HEATR5B: variants seen among roughly 807,000 people sequenced by gnomAD.
HEATR5B encodes HEAT repeat containing 5B.
A neutral mutation model predicts 224.1 loss-of-function variants in HEATR5B; 156 were observed. The observed-to-expected ratio is 0.70, with a 90% CI of 0.61 to 0.80. The LOEUF is 0.80. Among genes scored for constraint, HEATR5B ranks in the 30% least tolerant of loss-of-function variants. The pLI is 0.00. For synonymous variants in HEATR5B, 1,027 were observed against 893.0 expected (o/e 1.15, Z -2.68); for missense variants, 2,323 against 2,535.5 (o/e 0.92, Z 1.80).
Position 37,064,135 on chromosome 2 carries a change from A to T in HEATR5B, c.1584+605T>A, listed in dbSNP as rs546815148. Reference sequence around the variant, plus strand: ...GGCCATGATTTATTAAAACCACTCAATTTTTACTAAACATTATCAAAATGC... The same window carrying T: ...GGCCATGATTTATTAAAACCACTCATTTTTTACTAAACATTATCAAAATGC... On this transcript the variant is annotated intron_variant, in intron 10 of 35. Coordinates refer to ENST00000233099, the MANE Select transcript of HEATR5B (RefSeq NM_019024.3). 5.9e-5 allele frequency among the ~76,000 whole-genome samples: 9 copies of T among 152,198 alleles called. No homozygotes were observed. The East Asian group carries it at 1.3e-3, about 23-fold the overall frequency.
intron 24 of HEATR5B, among the ~76,000 whole-genome samples, chr2:37,025,592 T>G (rs1032418378): frequency 8.0e-5 from 12 of 150,442 alleles, no homozygotes; most frequent in Non-Finnish European, 1.5e-4. Flanking sequence ...GTAGACAAAT[T>G]ACAGGAAAAT....
chr2:37,067,884 C>T (rs540102398), intron 8 of HEATR5B, among the ~76,000 whole-genome samples: 6 of 152,220 alleles, frequency 3.9e-5, no homozygotes, highest in African/African-American at 1.4e-4. Context: ...ACATTTCATA[C>T]ATATATCTCT....
At position 37,016,113 on chromosome 2, in the gene HEATR5B, C is replaced by CTT. The variant is rs370375953; in HGVS notation, c.4105-2095_4105-2094dup. ...AACAATAATTACATGTCCTTACTTT[C>CTT]TTTTTTTTTTTTTTTTTGAGACAGA... On this transcript the variant is annotated intron_variant, in intron 26 of 35. Transcript: ENST00000233099. 2.6e-3 allele frequency among the ~76,000 whole-genome samples: 348 copies of CTT among 132,022 alleles called. 2 individuals carry two copies. The highest frequency in any genetic ancestry group is 6.4e-3 in the African/African-American group (224 of 35,062). 86.6% of individuals were successfully genotyped at this position (132,022 alleles called of 152,430 possible).
intron 31 of HEATR5B, among the ~76,000 whole-genome samples, 182 bp from the exon 32 acceptor site, chr2:37,002,754 AACAG>A (rs562384635): frequency 1.1e-4 from 16 of 152,332 alleles, no homozygotes; most frequent in African/African-American, 2.9e-4. Context: ...CCTTAAAGGT[AACAG>A]ACAGTTCATT....
Position 36,988,792 on chromosome 2 carries a change from G to A in HEATR5B, c.5765C>T (p.Pro1922Leu), listed in dbSNP as rs751126880. Residue 1922 changes from proline to leucine, a missense_variant, in exon 35 of 36, where the codon CCT (proline) becomes CTT (leucine). By Grantham distance (98) the Pro-to-Leu change is moderately conservative. Around this residue, in one of 12 missense-constraint regions of HEATR5B, gnomAD observed 844 missense variants for 812.9 expected, o/e 1.04. Coordinates refer to ENST00000233099, the MANE Select transcript of HEATR5B (RefSeq NM_019024.3). The stretch of plus-strand genomic sequence containing the variant: ...TATTGGAGCTAATGAATGAATATAA[G>A]GAGTTGAAAGGGCACGATTGGAATG... ...FQHSNRALSTPYIHSLAPIVV... is the reference protein window; with the variant it reads ...FQHSNRALSTLYIHSLAPIVV... The A allele has an allele frequency of 5.6e-6, 9 of 1,613,954 alleles. 1 individual carries two copies.
Position 36,988,808 on chromosome 2 carries a change from G to A in HEATR5B, c.5749C>T (p.Arg1917Cys), listed in dbSNP as rs752271740. ...LLLSVFQHSN[R>C]ALSTPYIHSL... ...TGAATATAAGGAGTTGAAAGGGCAC[G>A]ATTGGAATGCTGGAAGACTGAGAGG... Residue 1917 changes from arginine to cysteine, a missense_variant, in exon 35 of 36, where the codon CGT becomes TGT. Arg to Cys is a radical substitution (Grantham distance 180). This residue lies in a region of HEATR5B where 844 missense variants were observed against 812.9 expected (regional missense o/e 1.04). Coordinates refer to ENST00000233099, the MANE Select transcript of HEATR5B (RefSeq NM_019024.3). The A allele has an allele frequency of 3.7e-6, 6 of 1,614,072 alleles. No individual in the cohort carries two copies. The highest frequency in any genetic ancestry group is 3.3e-5 in the Admixed American group (2 of 60,022).
At chr2:37,050,534 T>C (rs941138612) in intron 17 of HEATR5B, among the ~76,000 whole-genome samples, 2 of 152,244 alleles carry the variant, frequency 1.3e-5, no homozygotes, top group Non-Finnish European at 2.9e-5. Flanking sequence ...TTTCACCTGT[T>C]ATGAAACAGA....
Position 37,049,730 on chromosome 2 carries a change from C to A in HEATR5B, c.2619G>T (p.Gly873=), listed in dbSNP as rs768671582. The change falls in exon 18 of 36, where the codon GGG becomes GGT. Residue 873 remains glycine (G), a synonymous_variant. Coordinates refer to ENST00000233099, the MANE Select transcript of HEATR5B (RefSeq NM_019024.3). ...NPNPILRCAA[G]EALGRMAQVV... The stretch of plus-strand genomic sequence containing the variant: ...CCTGAGCCATTCTTCCAAGAGCTTC[C>A]CCCGCTGCACAACGTAAGATGGGGT... 3.8e-5 allele frequency: 61 copies of A among 1,613,816 alleles called. No homozygotes were observed. The highest frequency in any genetic ancestry group is 4.7e-5 in the Non-Finnish European group (56 of 1,180,008).
intron 35 of HEATR5B, among the ~76,000 whole-genome samples, chr2:36,985,013 C>T (rs759363284): frequency 5.9e-5 from 9 of 152,186 alleles, no homozygotes; most frequent in Non-Finnish European, 1.0e-4. Context: ...TAGCTTATAA[C>T]CTTGGTCATG....
At chr2:36,994,924 G>C (rs1666588346) in intron 33 of HEATR5B, among the ~76,000 whole-genome samples, 1 of 150,630 alleles carries the variant, frequency 6.6e-6, no homozygotes, top group Non-Finnish European at 1.5e-5. Flanking sequence ...CTAATTTTTT[G>C]TATTTTTAGT....
intron 35 of HEATR5B, among the ~76,000 whole-genome samples, chr2:36,982,521 A>T (rs1327048598): frequency 3.9e-5 from 6 of 152,180 alleles, no homozygotes; most frequent in Non-Finnish European, 5.9e-5. Context: ...AACATCTCAT[A>T]ATCACATTGA....
intron 2 of HEATR5B, among the ~76,000 whole-genome samples, chr2:37,080,879 G>A (rs568709556): frequency 2.0e-5 from 3 of 152,172 alleles, no homozygotes; most frequent in East Asian, 1.9e-4. Flanking sequence ...GTCTTGGGAA[G>A]CCACGAACAG....
chr2:37,034,253 A>G (rs1378144215), intron 21 of HEATR5B, among the ~76,000 whole-genome samples: 7 of 147,576 alleles, frequency 4.7e-5, no homozygotes, highest in African/African-American at 1.2e-4. Flanking sequence ...TGATCCGCCC[A>G]CCTCAGCCTC....
rs1672743346 is a variant in HEATR5B, at chr2:37,083,436, C to A, written c.-22G>T. 6.2e-7 allele frequency: 1 copy of A among 1,600,864 alleles called. No individual in the cohort carries two copies. Among genetic ancestry groups the A allele is most frequent in the Non-Finnish European group, 8.5e-7 (1 of 1,170,676 alleles). On this transcript the variant is annotated splice_region_variant and 5_prime_UTR_variant, in exon 2 of 36. Transcript: ENST00000233099. ...CCATTACGGAAGTTTGAAATTCACA[C>A]CTTAAATTTAACAGAGTAAAAAATA... is the stretch of plus-strand genomic sequence containing the variant.
At chr2:37,032,536 T>G in intron 22 of HEATR5B, 93 bp downstream of exon 22, 1 of 1,045,498 alleles carries the variant, frequency 9.6e-7, no homozygotes, top group South Asian at 1.6e-5. Context: ...TCTGGCCACA[T>G]TGCAACAGAA....
intron 13 of HEATR5B, 98 bp downstream of exon 13, chr2:37,058,790 T>A (rs2148552136): frequency 1.3e-6 from 1 of 779,784 alleles, no homozygotes; most frequent in East Asian, 2.7e-5. Flanking sequence ...AAGTTTTATG[T>A]TTCCTAGATG....
At chr2:37,020,184 C>T (rs1348206194) in intron 25 of HEATR5B, among the ~76,000 whole-genome samples, 9 of 152,266 alleles carry the variant, frequency 5.9e-5, no homozygotes, top group East Asian at 3.9e-4. Flanking sequence ...GGATTACAGG[C>T]GTGAACCACC....
Position 37,000,650 on chromosome 2 carries a change from A to G in HEATR5B, c.5481T>C (p.Val1827=), listed in dbSNP as rs1417645911. 1 of 1,614,194 alleles carries G rather than the reference A, an allele frequency of 6.2e-7. No homozygotes were observed. The stretch of plus-strand genomic sequence containing the variant: ...GAATCAGAGCTGTCCACTGTTTTTG[A>G]ACGCCAGCCTCAGTTTTGGCCATTG... The part of the protein sequence containing the change: ...TLSMAKTEAG[V]QKQWTALIRS... Residue 1827 remains valine, a synonymous_variant, in exon 33 of 36, where the codon GTT becomes GTC. Coordinates refer to ENST00000233099, the MANE Select transcript of HEATR5B (RefSeq NM_019024.3).
intron 20 of HEATR5B, among the ~76,000 whole-genome samples, chr2:37,038,915 G>C (rs950053270): frequency 9.7e-6 from 1 of 103,064 alleles, no homozygotes; most frequent in Non-Finnish European, 2.1e-5. Context: ...GGTGGGGGGG[G>C]TGGGGAATCA....
Sources: allele counts gnomAD v4.1 joint callset (sites outside exome capture counted in the v4.1 genomes callset), GRCh38; gene constraint gnomAD v4.1.1; regional missense constraint gnomAD v4.1.1; transcripts MANE v1.5; gene names NCBI Gene and HGNC (gene_info 2026-07-23, HGNC 2026-07-21).